Variants in RBM33 observed in about 807,000 individuals in gnomAD.
The protein encoded by RBM33 is RNA binding motif protein 33.
Under a neutral mutation model 132.6 loss-of-function variants are expected in RBM33, and 28 were observed. That is an observed-to-expected ratio of 0.21 (90% CI 0.16 to 0.29). The LOEUF is 0.29. Ranked by LOEUF, RBM33 falls within the 10% of genes least tolerant of loss-of-function variation. RBM33 has a pLI of 1.00. For missense variants in RBM33, 1,291 were observed against 1,518.5 expected, an observed-to-expected ratio of 0.85 and a Z score of 2.49; for synonymous variants, 634 against 593.0, an observed-to-expected ratio of 1.07 and a Z score of -1.01.
At chr7:155,690,104 T>G (rs1357971389) in intron 5 of RBM33, among the ~76,000 whole-genome samples, 1 of 152,210 alleles carries the variant, frequency 6.6e-6, no homozygotes, top group Non-Finnish European at 1.5e-5. Context: ...TGTGGGAGTC[T>G]AAGTCTCTTT....
intron 14 of RBM33, among the ~76,000 whole-genome samples, chr7:155,763,113 A>G (rs35254720): frequency 0.1 from 15,327 of 152,296 alleles, 938 homozygotes; most frequent in East Asian, 0.28. Flanking sequence ...AAAAGATAAG[A>G]TTCCTGATAT....
intron 1 of RBM33, among the ~76,000 whole-genome samples, chr7:155,660,860 C>T (rs904676485): frequency 6.6e-6 from 1 of 151,866 alleles, no homozygotes; most frequent in African/African-American, 2.4e-5. Context: ...TCTGGTGCTC[C>T]CATTACACGT....
chr7:155,699,636 G>T (rs1222587407), intron 5 of RBM33, among the ~76,000 whole-genome samples: 2 of 152,190 alleles, frequency 1.3e-5, no homozygotes, highest in Non-Finnish European at 2.9e-5. Context: ...TAAGGTGAAA[G>T]TTGTAGTTTA....
At chr7:155,684,922 A>G (rs1443808765) in intron 5 of RBM33, 1 of 1,548,170 alleles carries the variant, frequency 6.5e-7, no homozygotes, top group Non-Finnish European at 8.7e-7. Flanking sequence ...TTTCTCTTTA[A>G]TGGCTGTTAG....
intron 9 of RBM33, among the ~76,000 whole-genome samples, chr7:155,736,194 A>G (rs1160774673): frequency 6.6e-6 from 1 of 152,214 alleles, no homozygotes; most frequent in Admixed American, 6.5e-5. Flanking sequence ...AGGAAGGGAA[A>G]TGCACTGCGG....
At chr7:155,757,775 C>G (rs1017395827) in intron 14 of RBM33, among the ~76,000 whole-genome samples, 1 of 151,206 alleles carries the variant, frequency 6.6e-6, no homozygotes, top group African/African-American at 2.4e-5. Context: ...AGCATGGTGC[C>G]GGCATCTACT....
At chr7:155,743,775 G>T (rs1482159317) in intron 13 of RBM33, among the ~76,000 whole-genome samples, 4 of 152,126 alleles carry the variant, frequency 2.6e-5, no homozygotes, top group Non-Finnish European at 5.9e-5. Context: ...GACTGCATGG[G>T]AAATTCCGAT....
intron 1 of RBM33, among the ~76,000 whole-genome samples, chr7:155,654,639 C>T (rs932657521): frequency 2.6e-5 from 4 of 152,148 alleles, no homozygotes; most frequent in Non-Finnish European, 4.4e-5. Context: ...TGTAGTTATT[C>T]TCAGCCTTCA....
At chr7:155,735,941 T>C (rs1801113557) in intron 9 of RBM33, among the ~76,000 whole-genome samples, 1 of 152,214 alleles carries the variant, frequency 6.6e-6, no homozygotes, top group Non-Finnish European at 1.5e-5. Context: ...GGCAATAGTA[T>C]GCTGTGGATT....
chr7:155,724,892 T>TA (rs753701062), intron 9 of RBM33, among the ~76,000 whole-genome samples: 25 of 152,192 alleles, frequency 1.6e-4, no homozygotes, highest in Non-Finnish European at 3.5e-4. Context: ...AGTATATGGA[T>TA]ATAGCAGTTT....
intron 2 of RBM33, 40 bp from the exon 3 acceptor site, chr7:155,672,827 T>G: frequency 1.3e-5 from 19 of 1,462,874 alleles, no homozygotes; most frequent in Non-Finnish European, 1.8e-5. Context: ...GCAAGTCTTA[T>G]GGGAATAATC....
intron 5 of RBM33, chr7:155,684,966 C>A: frequency 6.4e-7 from 1 of 1,550,404 alleles, no homozygotes. Context: ...TGGTGGGCAA[C>A]AAGGGCTGCA....
At chr7:155,724,194 T>C (rs1252056305) in intron 9 of RBM33, among the ~76,000 whole-genome samples, 2 of 152,158 alleles carry the variant, frequency 1.3e-5, no homozygotes, top group African/African-American at 4.8e-5. Flanking sequence ...TGTGGTTCTG[T>C]TTAGGTGCAT....
At chr7:155,695,455 G>C (rs1554473752) in intron 5 of RBM33, among the ~76,000 whole-genome samples, 2 of 151,910 alleles carry the variant, frequency 1.3e-5, no homozygotes, top group Non-Finnish European at 2.9e-5. Flanking sequence ...TGTGGCTTGT[G>C]TTTTCATTTT....
At chr7:155,719,635 T>C (rs1244936771) in intron 9 of RBM33, among the ~76,000 whole-genome samples, 1 of 152,166 alleles carries the variant, frequency 6.6e-6, no homozygotes, top group Non-Finnish European at 1.5e-5. Flanking sequence ...AAAAGTCAAG[T>C]TTTATTAGAT....
chr7:155,654,068 G>C (rs1242283898), intron 1 of RBM33, among the ~76,000 whole-genome samples: 1 of 152,190 alleles, frequency 6.6e-6, no homozygotes, highest in Admixed American at 6.5e-5. Context: ...AGATGGCTGA[G>C]TGAAGTGTAA....
chr7:155,709,082 G>A (rs1273630942), intron 7 of RBM33, among the ~76,000 whole-genome samples: 2 of 151,702 alleles, frequency 1.3e-5, no homozygotes, highest in East Asian at 1.9e-4. Context: ...TTGGGCTTAC[G>A]AGATTTTGGA....
Position 155,665,232 on chromosome 7 carries a change from C to G in RBM33, c.101C>G (p.Ala34Gly). Residue 34 changes from alanine to glycine, a missense_variant, in exon 2 of 18, where the codon GCT (alanine) becomes GGT (glycine). By Grantham distance (60) the Ala-to-Gly change is moderately conservative. Transcript: ENST00000401878. ...GCGGAACGGTCGTGGAGAAGAAGAG[C>G]TGCTGATGAGGACTGGGACAGGTAC... Reference protein sequence around the residue: ...PGAERSWRRRAADEDWDSELE... With the variant: ...PGAERSWRRRGADEDWDSELE... 1 of 1,613,842 alleles carries G rather than the reference C, an allele frequency of 6.2e-7. No individual in the cohort carries two copies. The highest frequency in any genetic ancestry group is 8.5e-7 in the Non-Finnish European group (1 of 1,179,768).
At chr7:155,709,780 A>C (rs1027844015) in intron 7 of RBM33, among the ~76,000 whole-genome samples, 1 of 152,204 alleles carries the variant, frequency 6.6e-6, no homozygotes, top group Admixed American at 6.5e-5. Context: ...GTGATGAGTT[A>C]AGGAGGGGGA....
Sources: allele counts gnomAD v4.1 joint callset (sites outside exome capture counted in the v4.1 genomes callset), GRCh38; gene constraint gnomAD v4.1.1; transcripts MANE v1.5; gene names NCBI Gene and HGNC (gene_info 2026-07-23, HGNC 2026-07-21).